ZFHX3: variants seen among roughly 807,000 people sequenced by gnomAD.
The protein encoded by ZFHX3 is zinc finger homeobox 3.
ZFHX3 carries 42 observed loss-of-function variants against 279.1 expected under a neutral mutation model. The ratio of observed to expected loss-of-function variants is 0.15; its 90% CI spans 0.12 to 0.19. The LOEUF is 0.19. Among genes scored for constraint, ZFHX3 ranks in the 10% least tolerant of loss-of-function variants. The probability of loss-of-function intolerance (pLI) is 1.00; values close to 1 mark genes in which losing one functional copy is unlikely to be tolerated. For synonymous variants in ZFHX3, 2,293 were observed against 1,957.8 expected (o/e 1.17, Z -4.52); for missense variants, 4,981 against 4,754.0 (o/e 1.05, Z -1.40).
At position 73,157,781 on chromosome 16, in the gene ZFHX3, T is replaced by A. The variant is rs191877789; in HGVS notation, c.-1103-13950A>T. ...CATTATTTAGTTAGTTGGCTTTTTA[T>A]AACGCCACGAGGTTTGCTGTGGGCT... On this transcript the variant is annotated intron_variant, in intron 5 of 17. Transcript: ENST00000641206. 1.3e-3 allele frequency among the ~76,000 whole-genome samples: 193 copies of A among 152,302 alleles called. 1 individual carries two copies. The highest frequency in any genetic ancestry group is 4.3e-3 in the African/African-American group (178 of 41,568).
chr16:72,944,953 CT>C (rs965233221), intron 3 of ZFHX3, among the ~76,000 whole-genome samples: 10 of 149,788 alleles, frequency 6.7e-5, no homozygotes, highest in East Asian at 2.0e-4. Context: ...AAGTACTAAA[CT>C]TTTTTTTTTC....
At position 72,797,116 on chromosome 16, in the gene ZFHX3, TCTGCTG is replaced by T. The variant is rs766017146; in HGVS notation, c.5560_5565del (p.Gln1854_Gln1855del). The T allele has an allele frequency of 4.6e-5, 75 of 1,613,784 alleles. No homozygotes were observed. The highest frequency in any genetic ancestry group is 1.6e-4 in the Middle Eastern group (1 of 6,084). On this transcript the variant is annotated inframe_deletion, in exon 9 of 10. Transcript: ENST00000268489. The stretch of plus-strand genomic sequence containing the variant: ...TGACTCTGGGCTATAGAGAGTTGGT[TCTGCTG>T]CTGCTGCGGCAAGATCTGCTGATGG...
intron 2 of ZFHX3, among the ~76,000 whole-genome samples, chr16:73,465,915 C>T (rs544018376): frequency 9.2e-5 from 14 of 152,150 alleles, no homozygotes; most frequent in Middle Eastern, 3.4e-3. Flanking sequence ...TGACAGGCTG[C>T]GAGGGACAAC....
chr16:73,020,108 G>C (rs1964248770), intron 1 of ZFHX3, among the ~76,000 whole-genome samples: 1 of 152,132 alleles, frequency 6.6e-6, no homozygotes. Context: ...GCAAGAAAAA[G>C]GAAGCACCAT....
chr16:72,936,991 G>C (rs1241339755), intron 3 of ZFHX3, among the ~76,000 whole-genome samples: 2 of 152,168 alleles, frequency 1.3e-5, no homozygotes, highest in African/African-American at 4.8e-5. Context: ...GGGAGCAAAA[G>C]ACAAGGAGCC....
chr16:73,582,303 T>C (rs2051870433), intron 2 of ZFHX3, among the ~76,000 whole-genome samples: 1 of 151,810 alleles, frequency 6.6e-6, no homozygotes, highest in Admixed American at 6.6e-5. Flanking sequence ...CTAGCTTTCA[T>C]TTGTCTTCCA....
chr16:72,872,000 G>C (rs1203752337), intron 4 of ZFHX3, among the ~76,000 whole-genome samples: 1 of 151,998 alleles, frequency 6.6e-6, no homozygotes, highest in Non-Finnish European at 1.5e-5. Flanking sequence ...CAGGAGAATG[G>C]CATGAACCCG....
rs2144073754 is a variant in ZFHX3 at position 72,889,799 on chromosome 16, C to T, written c.3380G>A (p.Gly1127Asp). Residue 1127 changes from glycine to aspartate, a missense_variant, in exon 4 of 10, where the codon GGC (glycine) becomes GAC (aspartate). Around this residue, in one of 7 missense-constraint regions of ZFHX3, gnomAD observed 1,751 missense variants for 1,770.0 expected, o/e 0.99. Coordinates refer to ENST00000268489, the MANE Select transcript of ZFHX3 (RefSeq NM_006885.4). The stretch of plus-strand genomic sequence containing the variant: ...CAGGTCCTCGTCCTCCTCTGGAAGG[C>T]CCTTCTGCAGCCGCTGCAGCTTTCG... The part of the protein sequence containing the change: ...SLRKLQRLQK[G>D]LPEEDEDLGQ... The T allele has an allele frequency of 6.2e-7, 1 of 1,613,708 alleles. No individual in the cohort carries two copies. The highest frequency in any genetic ancestry group is 8.5e-7 in the Non-Finnish European group (1 of 1,180,050).
intron 2 of ZFHX3, among the ~76,000 whole-genome samples, chr16:73,495,402 A>G (rs1296104898): frequency 6.6e-6 from 1 of 152,198 alleles, no homozygotes; most frequent in Admixed American, 6.5e-5. Context: ...AACGAAAGAA[A>G]TTGGTGCACA....
At chr16:73,411,964 C>A (rs376247116) in intron 3 of ZFHX3, among the ~76,000 whole-genome samples, 2 of 152,054 alleles carry the variant, frequency 1.3e-5, no homozygotes, top group East Asian at 1.9e-4. Context: ...TCTATTGGGG[C>A]TAAAACTTAA....
At chr16:73,147,828 T>C (rs1597183187) in intron 5 of ZFHX3, among the ~76,000 whole-genome samples, 1 of 151,718 alleles carries the variant, frequency 6.6e-6, no homozygotes, top group East Asian at 1.9e-4. Context: ...GCCGTGATCA[T>C]GCCACTGCAC....
At chr16:73,235,680 GTT>G in intron 5 of ZFHX3, among the ~76,000 whole-genome samples, 1 of 147,178 alleles carries the variant, frequency 6.8e-6, no homozygotes, top group African/African-American at 2.5e-5. Flanking sequence ...TATATCAATT[GTT>G]TTTTTTTTTA....
chr16:73,413,800 T>C (rs11860242), intron 3 of ZFHX3, among the ~76,000 whole-genome samples: 15,896 of 152,200 alleles, frequency 0.1, 1,055 homozygotes, highest in South Asian at 0.18. Flanking sequence ...ATGTAATGAG[T>C]TCAAGGTCAA....
chr16:73,888,413 T>C (rs1325442817), intron 1 of ZFHX3, among the ~76,000 whole-genome samples: 5 of 152,150 alleles, frequency 3.3e-5, no homozygotes, highest in African/African-American at 1.2e-4. Flanking sequence ...GAGACAAAGA[T>C]GATTTGTAAA....
chr16:73,677,049 A>G (rs1350073604), intron 2 of ZFHX3, among the ~76,000 whole-genome samples: 2 of 152,022 alleles, frequency 1.3e-5, no homozygotes, highest in Non-Finnish European at 2.9e-5. Context: ...CAAAGGATAC[A>G]GTGGAGCTTT....
Position 72,952,768 on chromosome 16 carries a change from A to G in ZFHX3, c.2720-1803T>C, listed in dbSNP as rs1420678353. 2.0e-5 allele frequency among the ~76,000 whole-genome samples: 3 copies of G among 152,188 alleles called. No individual in the cohort carries two copies. The East Asian group carries it at 5.8e-4, about 29-fold the overall frequency. On this transcript the variant is annotated intron_variant, in intron 2 of 9. Transcript: ENST00000268489. ...TACAAGCTCACATTTGCTATGGTAA[A>G]TTAATACTGCAAGGGCTTATTTCTA...
intron 3 of ZFHX3, among the ~76,000 whole-genome samples, chr16:73,369,519 T>C (rs923201117): frequency 1.1e-4 from 17 of 152,216 alleles, no homozygotes; most frequent in Admixed American, 1.1e-3. Context: ...GTCTCTCTGA[T>C]TGCTCATCAG....
chr16:73,656,500 G>A (rs1369356110), intron 2 of ZFHX3, among the ~76,000 whole-genome samples: 1 of 152,194 alleles, frequency 6.6e-6, no homozygotes, highest in Non-Finnish European at 1.5e-5. Context: ...TCAAGGGGTT[G>A]GGATGGGAGA....
intron 2 of ZFHX3, among the ~76,000 whole-genome samples, chr16:73,613,250 T>C (rs1013254562): frequency 4.6e-5 from 7 of 152,218 alleles, no homozygotes; most frequent in Non-Finnish European, 8.8e-5. Flanking sequence ...TTTGGAGTAG[T>C]TGAGGCTCAT....
Sources: gnomAD v4.1 joint callset for allele counts (sites outside exome capture counted in the v4.1 genomes callset) on GRCh38, gnomAD v4.1.1 for gene constraint, gnomAD v4.1.1 regional missense constraint, MANE v1.5 for transcripts, NCBI Gene and HGNC (gene_info 2026-07-23, HGNC 2026-07-21) for gene names.